NPHP1: variants seen among roughly 807,000 people sequenced by gnomAD.
The protein encoded by NPHP1 is nephrocystin-1.
NPHP1 carries 70 observed loss-of-function variants against 90.4 expected under a neutral mutation model. The ratio of observed to expected loss-of-function variants is 0.77; its 90% CI spans 0.64 to 0.95. The LOEUF is 0.95. Among genes scored for constraint, NPHP1 ranks in the 40% least tolerant of loss-of-function variants. NPHP1 has a pLI of 0.00. For missense variants in NPHP1, 764 were observed against 795.9 expected, an observed-to-expected ratio of 0.96 and a Z score of 0.48; for synonymous variants, 256 against 271.7, an observed-to-expected ratio of 0.94 and a Z score of 0.57.
chr2:110,184,793 C>A, intron 2 of NPHP1: 9 of 708,684 alleles, frequency 1.3e-5, no homozygotes, highest in South Asian at 1.2e-4. Context: ...AGAGAAGGCT[C>A]AGTACTACCT....
intron 4 of NPHP1, among the ~76,000 whole-genome samples, chr2:110,175,804 TTC>T (rs67219739): frequency 2.6e-5 from 4 of 151,920 alleles, no homozygotes; most frequent in African/African-American, 9.7e-5. Context: ...TTGTGCTTCA[TTC>T]TCTCTCTTAT....
chr2:110,162,937 T>C lies in NPHP1; in HGVS notation c.859+111A>G, dbSNP rs910214732. On this transcript the variant is annotated intron_variant, in intron 9 of 19. Coordinates refer to ENST00000445609, the MANE Select transcript of NPHP1 (RefSeq NM_001128178.3). ...GAGGAAAAGATGAGCACCAAAGAGA[T>C]GTGAGATTCAACATCTTCTTCAACA... The C allele has an allele frequency of 5.4e-6, 4 of 747,498 alleles. No homozygotes were observed. In the African/African-American group the frequency reaches 6.9e-5, roughly 13 times the overall value. The allele number at this position is 747,498 out of a possible 1,614,324, so 46.3% of individuals were successfully genotyped here.
intron 16 of NPHP1, among the ~76,000 whole-genome samples, chr2:110,142,081 C>A (rs1680690417): frequency 6.6e-6 from 1 of 151,984 alleles, no homozygotes; most frequent in Non-Finnish European, 1.5e-5. Context: ...TATTTATACC[C>A]ATGAGAGATG....
intron 11 of NPHP1, among the ~76,000 whole-genome samples, chr2:110,159,878 G>C (rs559660308): frequency 6.6e-6 from 1 of 151,590 alleles, no homozygotes; most frequent in Non-Finnish European, 1.5e-5. Flanking sequence ...TGCTAGCTTA[G>C]ATCACTGACT....
intron 2 of NPHP1, among the ~76,000 whole-genome samples, chr2:110,193,787 C>A (rs561206273): frequency 1.4e-4 from 22 of 152,148 alleles, no homozygotes; most frequent in African/African-American, 5.1e-4. Context: ...TGTAAAAGAA[C>A]AGAAATTATA....
chr2:110,131,890 G>A (rs1679811276), intron 16 of NPHP1, 99 bp from the exon 17 acceptor site: 3 of 813,686 alleles, frequency 3.7e-6, no homozygotes, highest in Non-Finnish European at 6.2e-6. Flanking sequence ...CCCAAATTTT[G>A]CTTCATTACT....
intron 4 of NPHP1, among the ~76,000 whole-genome samples, chr2:110,174,817 CTT>C (rs112745291): frequency 1.9e-4 from 25 of 133,082 alleles, no homozygotes; most frequent in Admixed American, 2.3e-4. Context: ...CATTTTTGTG[CTT>C]TTTTTTTTTT....
At chr2:110,179,795 G>A in intron 2 of NPHP1, 111 bp from the exon 3 acceptor site, 2 of 567,936 alleles carry the variant, frequency 3.5e-6, no homozygotes, top group South Asian at 1.9e-5. Flanking sequence ...GCCACTGTAT[G>A]AACAATACTA....
Position 110,123,828 on chromosome 2 carries a change from T to C in NPHP1, c.1997A>G (p.Tyr666Cys), listed in dbSNP as rs752113133. 1 of 1,614,108 alleles carries C rather than the reference T, an allele frequency of 6.2e-7. No individual in the cohort carries two copies. Among genetic ancestry groups the C allele is most frequent in the South Asian group, 1.1e-5 (1 of 91,082 alleles). ...CTTTCTCATTTCACCCAAGAAGTCA[T>C]AGGTCTGCTCTGAAAGGTCAAAAGG... ...HEPFDLSEQTYDFLGEMRKNA... is the reference protein window; with the variant it reads ...HEPFDLSEQTCDFLGEMRKNA... Residue 666 changes from tyrosine to cysteine, a missense_variant, in exon 20 of 20, where the codon TAT becomes TGT. Tyr to Cys is a radical substitution (Grantham distance 194, BLOSUM62 -2). Coordinates refer to ENST00000445609, the MANE Select transcript of NPHP1 (RefSeq NM_001128178.3).
intron 4 of NPHP1, among the ~76,000 whole-genome samples, chr2:110,173,615 A>G (rs766732140): frequency 4.3e-4 from 65 of 152,214 alleles, no homozygotes; most frequent in Non-Finnish European, 8.7e-4. Context: ...TACAGTATTC[A>G]GCACAGTAAC....
At chr2:110,129,303 CA>C (rs756532739) in intron 17 of NPHP1, 44 bp from the exon 18 acceptor site, 139 of 1,428,150 alleles carry the variant, frequency 9.7e-5, no homozygotes, top group South Asian at 2.0e-4. Flanking sequence ...AAACTTCACT[CA>C]ATGGATTTTA....
At chr2:110,166,406 T>A (rs1464107252) in intron 6 of NPHP1, among the ~76,000 whole-genome samples, 1 of 152,186 alleles carries the variant, frequency 6.6e-6, no homozygotes, top group African/African-American at 2.4e-5. Flanking sequence ...TTCCCAAGAC[T>A]TCCTTGCAGC....
chr2:110,159,887 C>T (rs1373513140), intron 11 of NPHP1, among the ~76,000 whole-genome samples: 1 of 151,910 alleles, frequency 6.6e-6, no homozygotes, highest in Non-Finnish European at 1.5e-5. Flanking sequence ...AGATCACTGA[C>T]TTTAAATCTT....
chr2:110,172,563 A>C (rs996507343), intron 4 of NPHP1, among the ~76,000 whole-genome samples: 18 of 152,104 alleles, frequency 1.2e-4, no homozygotes, highest in Middle Eastern at 3.4e-3. Flanking sequence ...GGAGGATTGC[A>C]TAAGCCCATG....
intron 4 of NPHP1, among the ~76,000 whole-genome samples, chr2:110,176,136 G>A (rs933364467): frequency 6.6e-6 from 1 of 151,772 alleles, no homozygotes; most frequent in Non-Finnish European, 1.5e-5. Context: ...ATTAAAAATT[G>A]TTGTTTTATG....
At chr2:110,148,376 C>T (rs1238527838) in intron 12 of NPHP1, among the ~76,000 whole-genome samples, 1 of 152,134 alleles carries the variant, frequency 6.6e-6, no homozygotes, top group Non-Finnish European at 1.5e-5. Context: ...GATGCCTGTG[C>T]CATGCTTCCT....
At chr2:110,144,454 A>C in intron 15 of NPHP1, 39 bp downstream of exon 15, 1 of 1,340,128 alleles carries the variant, frequency 7.5e-7, no homozygotes, top group Non-Finnish European at 1.1e-6. Context: ...CTATTTGTTT[A>C]ATCTTTAAGG....
chr2:110,135,085 A>G (rs1164740811), intron 16 of NPHP1, among the ~76,000 whole-genome samples: 1 of 152,196 alleles, frequency 6.6e-6, no homozygotes, highest in African/African-American at 2.4e-5. Context: ...AGAATAAATG[A>G]CTAGCAAAGT....
chr2:110,204,458 G>A (rs1393237207), intron 1 of NPHP1, among the ~76,000 whole-genome samples: 2 of 152,092 alleles, frequency 1.3e-5, no homozygotes, highest in African/African-American at 2.4e-5. Context: ...TTGAGTTCAC[G>A]GAGGCAATAA....
Sources: gnomAD v4.1 joint callset for allele counts (sites outside exome capture counted in the v4.1 genomes callset) on GRCh38, gnomAD v4.1.1 for gene constraint, MANE v1.5 for transcripts, NCBI Gene and HGNC (gene_info 2026-07-23, HGNC 2026-07-21) for gene names.